DMXL1: variants seen among roughly 807,000 people sequenced by gnomAD.
The protein encoded by DMXL1 is dmX-like protein 1.
A neutral mutation model predicts 319.2 loss-of-function variants in DMXL1; 99 were observed. That is an observed-to-expected ratio of 0.31 (90% CI 0.26 to 0.37). DMXL1 has a LOEUF of 0.37. Ranked by LOEUF, DMXL1 falls within the 10% of genes least tolerant of loss-of-function variation. DMXL1 has a pLI of 1.00. For missense variants in DMXL1, 3,745 were observed against 3,595.6 expected, an observed-to-expected ratio of 1.04 and a Z score of -1.06; for synonymous variants, 1,385 against 1,235.2, an observed-to-expected ratio of 1.12 and a Z score of -2.54.
At chr5:119,201,342 T>C (rs901600895) in intron 32 of DMXL1, among the ~76,000 whole-genome samples, 2 of 152,232 alleles carry the variant, frequency 1.3e-5, no homozygotes, top group Non-Finnish European at 2.9e-5. Flanking sequence ...TTTTTGTCTT[T>C]AGTTCTGTTT....
intron 19 of DMXL1, among the ~76,000 whole-genome samples, chr5:119,161,142 A>G (rs1772179810): frequency 6.6e-6 from 1 of 152,218 alleles, no homozygotes; most frequent in East Asian, 1.9e-4. Flanking sequence ...TGCGTGGTTC[A>G]GCCTGAAATG....
intron 34 of DMXL1, among the ~76,000 whole-genome samples, chr5:119,213,024 T>C (rs772126668): frequency 6.6e-6 from 1 of 152,206 alleles, no homozygotes; most frequent in Non-Finnish European, 1.5e-5. Context: ...CAGCTGAACA[T>C]GTTTGGAGGA....
intron 7 of DMXL1, among the ~76,000 whole-genome samples, chr5:119,116,681 A>G (rs1244989615): frequency 6.6e-6 from 1 of 152,066 alleles, no homozygotes; most frequent in East Asian, 1.9e-4. Context: ...TTACATAAAT[A>G]CTCTGTCGTC....
intron 15 of DMXL1, 36 bp downstream of exon 15, chr5:119,144,674 T>G: frequency 7.6e-7 from 1 of 1,315,626 alleles, no homozygotes; most frequent in Non-Finnish European, 1.1e-6. Flanking sequence ...AGAAATACTA[T>G]GTACAGTATG....
At position 119,151,964 on chromosome 5, in the gene DMXL1, C is replaced by G. The variant is rs1234497245; in HGVS notation, c.4630C>G (p.Leu1544Val). 6.2e-7 allele frequency: 1 copy of G among 1,612,694 alleles called. No homozygotes were observed. The highest frequency in any genetic ancestry group is 1.3e-5 in the African/African-American group (1 of 74,760). The change falls in exon 19 of 44, where the codon CTT becomes GTT. Residue 1544 changes from leucine (L) to valine (V), a missense_variant. Physicochemically the swap from Leu to Val is conservative, Grantham distance 32 (BLOSUM62 1). Around this residue, in one of 4 missense-constraint regions of DMXL1, gnomAD observed 2,096 missense variants for 1,985.4 expected, o/e 1.06. Coordinates refer to ENST00000539542, the MANE Select transcript of DMXL1 (RefSeq NM_001290321.3). The stretch of plus-strand genomic sequence containing the variant: ...TCTTGATGAATGTGGGTTAAAATTT[C>G]TTTTGGCTGTTCGACTCCATACCTT... ...ETLDECGLKF[L>V]LAVRLHTFLT...
chr5:119,146,892 T>A lies in DMXL1; in HGVS notation c.2625T>A (p.Thr875=). The A allele has an allele frequency of 6.2e-7, 1 of 1,611,716 alleles. No homozygotes were observed. Among genetic ancestry groups the A allele is most frequent in the African/African-American group, 1.3e-5 (1 of 74,952 alleles). The change falls in exon 16 of 44, where the codon ACT becomes ACA. Residue 875 remains threonine, a synonymous_variant. Coordinates refer to ENST00000539542, the MANE Select transcript of DMXL1 (RefSeq NM_001290321.3). The part of the protein sequence containing the change: ...EKFYLIVIEC[T]QDNRSLLHMW... ...TCTACCTAATTGTAATAGAATGCACTCAAGACAACCGTTCACTGTTACACA... is the reference window on the plus strand; with the variant it reads ...TCTACCTAATTGTAATAGAATGCACACAAGACAACCGTTCACTGTTACACA...
At chr5:119,128,441 A>G (rs1180244500) in intron 9 of DMXL1, 1 of 185,960 alleles carries the variant, frequency 5.4e-6, no homozygotes, top group Non-Finnish European at 1.1e-5. Flanking sequence ...TTGCTGACTG[A>G]CATACCCTCC....
rs182144107 is a variant in DMXL1 at position 119,185,778 on chromosome 5, C to T, written c.7136-3930C>T. 7.3e-4 allele frequency among the ~76,000 whole-genome samples: 111 copies of T among 152,120 alleles called. 2 individuals are homozygous for T. Among genetic ancestry groups the T allele is most frequent in the Admixed American group, 7.1e-3 (108 of 15,264 alleles). On this transcript the variant is annotated intron_variant, in intron 28 of 43. Coordinates refer to ENST00000539542, the MANE Select transcript of DMXL1 (RefSeq NM_001290321.3). ...TCAGCCTCCCAAAGTGCTGGGATTA[C>T]AGGCATGATCCACTGTGCCTGGCCA... is the stretch of plus-strand genomic sequence containing the variant.
chr5:119,129,127 G>GT, intron 9 of DMXL1, 84 bp from the exon 10 acceptor site: 2 of 802,182 alleles, frequency 2.5e-6, no homozygotes, highest in Non-Finnish European at 3.9e-6. Context: ...AAATATAAAT[G>GT]TAATAGTAAT....
At chr5:119,080,552 A>G (rs974133284) in intron 1 of DMXL1, among the ~76,000 whole-genome samples, 1 of 152,024 alleles carries the variant, frequency 6.6e-6, no homozygotes, top group Non-Finnish European at 1.5e-5. Flanking sequence ...TTCTTATACA[A>G]TCAATCAAGC....
At position 119,148,906 on chromosome 5, in the gene DMXL1, C is replaced by T; in HGVS notation, c.3079C>T (p.Pro1027Ser). 6.2e-7 allele frequency: 1 copy of T among 1,613,788 alleles called. No individual in the cohort carries two copies. Residue 1027 changes from proline (P) to serine (S), a missense_variant, in exon 18 of 44, where the codon CCA becomes TCA. Coordinates refer to ENST00000539542, the MANE Select transcript of DMXL1 (RefSeq NM_001290321.3). Reference sequence around the variant, plus strand: ...TCTTGCATACATTTGGGAAGAATGGCCATTACTTATTGAAGATGGACTTCA... The same window carrying T: ...TCTTGCATACATTTGGGAAGAATGGTCATTACTTATTGAAGATGGACTTCA... ...IDLAYIWEEW[P>S]LLIEDGLQSN...
At chr5:119,241,865 C>T (rs1220039933) in intron 42 of DMXL1, among the ~76,000 whole-genome samples, 1 of 152,146 alleles carries the variant, frequency 6.6e-6, no homozygotes, top group Non-Finnish European at 1.5e-5. Flanking sequence ...TAAGTATATA[C>T]TCGCAACACT....
intron 13 of DMXL1, among the ~76,000 whole-genome samples, chr5:119,141,853 G>C (rs559426374): frequency 3.9e-5 from 6 of 152,068 alleles, no homozygotes; most frequent in Non-Finnish European, 8.8e-5. Context: ...CATGTTACCC[G>C]ACTTCAAACT....
chr5:119,136,249 T>G (rs973822439), intron 13 of DMXL1, among the ~76,000 whole-genome samples: 15 of 152,212 alleles, frequency 9.9e-5, no homozygotes, highest in African/African-American at 3.1e-4. Context: ...CAGAAGAAAT[T>G]TCTAAGCAGC....
intron 21 of DMXL1, 113 bp downstream of exon 21, chr5:119,165,393 T>C: frequency 1.7e-6 from 1 of 587,936 alleles, no homozygotes; most frequent in Non-Finnish European, 2.9e-6. Flanking sequence ...ATGTAGATTC[T>C]TAGTTGTTTT....
intron 39 of DMXL1, 117 bp downstream of exon 39, chr5:119,233,584 A>G (rs1787176779): frequency 2.9e-6 from 2 of 698,350 alleles, no homozygotes; most frequent in Middle Eastern, 4.2e-4. Flanking sequence ...ATTGATCTAT[A>G]TAGATGCTTT....
intron 19 of DMXL1, 118 bp from the exon 20 acceptor site, chr5:119,164,389 A>C: frequency 1.1e-6 from 1 of 908,982 alleles, no homozygotes; most frequent in African/African-American, 1.7e-5. Flanking sequence ...TTCCAATCTT[A>C]AACTGTGAGT....
chr5:119,242,282 G>A (rs1042078013), intron 42 of DMXL1, among the ~76,000 whole-genome samples: 19 of 152,130 alleles, frequency 1.2e-4, no homozygotes, highest in African/African-American at 4.3e-4. Context: ...CAGTGTTGTT[G>A]AAGGGTCAGC....
chr5:119,129,188 T>G, intron 9 of DMXL1, 23 bp from the exon 10 acceptor site: 1 of 1,482,032 alleles, frequency 6.7e-7, no homozygotes, highest in Non-Finnish European at 9.1e-7. Context: ...AAATTTTAAT[T>G]TTATCTTTTT....
Sources: gnomAD v4.1 joint callset for allele counts (sites outside exome capture counted in the v4.1 genomes callset) on GRCh38, gnomAD v4.1.1 for gene constraint, gnomAD v4.1.1 regional missense constraint, MANE v1.5 for transcripts, NCBI Gene and HGNC (gene_info 2026-07-23, HGNC 2026-07-21) for gene names.